The following MACF1 variants were observed in gnomAD, a reference collection of about 807,000 sequenced individuals.
MACF1 encodes the protein microtubule actin crosslinking factor 1.
In MACF1, 193 loss-of-function variants were observed where a neutral mutation model predicts 854.8. That is an observed-to-expected ratio of 0.23 (90% confidence interval 0.20 to 0.25). MACF1 has a LOEUF of 0.25. MACF1 is among the 10% of genes least tolerant of loss of function. The pLI is 1.00. For synonymous variants in MACF1, 3,185 were observed against 3,226.7 expected (o/e 0.99, Z 0.44); for missense variants, 7,722 against 8,929.1 (o/e 0.86, Z 5.45).
At chr1:39,248,710 T>C (rs1645008992) in intron 2 of MACF1, among the ~76,000 whole-genome samples, 1 of 152,206 alleles carries the variant, frequency 6.6e-6, no homozygotes, top group African/African-American at 2.4e-5. Flanking sequence ...TTCACAAGTC[T>C]TCCCATTCTG....
At chr1:39,217,736 G>A (rs926091488) in intron 1 of MACF1, among the ~76,000 whole-genome samples, 1 of 151,890 alleles carries the variant, frequency 6.6e-6, no homozygotes, top group African/African-American at 2.4e-5. Context: ...AGTTAGCAGG[G>A]TGTGGTGGCG....
At chr1:39,269,114 G>A in intron 6 of MACF1, 1 of 1,289,818 alleles carries the variant, frequency 7.8e-7, no homozygotes, top group Non-Finnish European at 1.0e-6. Flanking sequence ...CCCTGGAAGA[G>A]GGGATGACTG....
At chr1:39,405,029 C>A (rs2148599608) in intron 58 of MACF1, among the ~76,000 whole-genome samples, 1 of 152,238 alleles carries the variant, frequency 6.6e-6, no homozygotes, top group African/African-American at 2.4e-5. Flanking sequence ...AATACACTGT[C>A]TTTTGGAAAG....
chr1:39,447,380 C>T, intron 80 of MACF1, 52 bp from the exon 81 acceptor site: 1 of 1,585,694 alleles, frequency 6.3e-7, no homozygotes, highest in Non-Finnish European at 8.6e-7. Context: ...CCTATAATTC[C>T]TGAAATTGGC....
chr1:39,448,442 C>A, intron 83 of MACF1, 152 bp from the exon 84 acceptor site: 1 of 659,430 alleles, frequency 1.5e-6, no homozygotes, highest in East Asian at 2.9e-5. Context: ...TTATAAATTT[C>A]TTAAGGATAA....
intron 58 of MACF1, among the ~76,000 whole-genome samples, chr1:39,404,638 C>A (rs1241154387): frequency 6.6e-6 from 1 of 152,156 alleles, no homozygotes; most frequent in East Asian, 1.9e-4. Flanking sequence ...TACAGATGCA[C>A]ATGCCTGGCC....
chr1:39,178,858 T>A (rs1467614850), intron 2 of MACF1, among the ~76,000 whole-genome samples: 1 of 152,128 alleles, frequency 6.6e-6, no homozygotes, highest in Non-Finnish European at 1.5e-5. Flanking sequence ...GGTAAAATGG[T>A]TTTGGAGACT....
chr1:39,290,843 A>AT (rs111684577), intron 15 of MACF1, among the ~76,000 whole-genome samples: 97 of 140,864 alleles, frequency 6.9e-4, no homozygotes, highest in African/African-American at 1.3e-3. Flanking sequence ...AATTTTTTGT[A>AT]TTTTTTTTTT....
Position 39,292,767 on chromosome 1 carries a change from G to T in MACF1, c.1916G>T (p.Gly639Val), listed in dbSNP as rs139995582. The T allele has an allele frequency of 4.1e-3, 6,564 of 1,606,648 alleles. 68 individuals are homozygous for T. The Middle Eastern group carries it at 0.066, about 16-fold the overall frequency. The change falls in exon 17 of 101, where the codon GGA (glycine) becomes GTA (valine). Residue 639 changes from glycine (G) to valine (V), a missense_variant and splice_region_variant. Transcript: ENST00000564288. ...TTTATTTCATTCTTTTTTAATCAGG[G>T]AAAGATGTCCCAGAATTTCCATACC... ...SSVKEARLYE[G>V]KMSQNFHTSY... is the part of the protein sequence containing the mutation.
chr1:39,333,837 G>A lies in MACF1; in HGVS notation c.7249G>A (p.Gly2417Ser), dbSNP rs1437211909. 1 of 1,614,048 alleles carries A rather than the reference G, an allele frequency of 6.2e-7. No individual in the cohort carries two copies. The highest frequency in any genetic ancestry group is 1.3e-5 in the African/African-American group (1 of 74,912). The change falls in exon 37 of 101, where the codon GGC becomes AGC. Residue 2417 changes from glycine (G) to serine (S), a missense_variant. Physicochemically the swap from Gly to Ser is moderately conservative, Grantham distance 56. This residue lies in a region of MACF1 where 1,531 missense variants were observed against 1,601.6 expected (regional missense o/e 0.96). Transcript: ENST00000564288. ...TGGTGGAATTATTGATCTGAAACGAGGCAAAAAAGTTTCAGTAACTTTGGC... is the reference window on the plus strand; with the variant it reads ...TGGTGGAATTATTGATCTGAAACGAAGCAAAAAAGTTTCAGTAACTTTGGC... The part of the protein sequence containing the change: ...VTGGIIDLKR[G>S]KKVSVTLAST...
At chr1:39,169,774 T>TTTCTTTC (rs1491529200) in intron 2 of MACF1, among the ~76,000 whole-genome samples, 1 of 10,644 alleles carries the variant, frequency 9.4e-5, no homozygotes, top group Admixed American at 9.9e-4. Context: ...TCTTTCTTTC[T>TTTCTTTC]TTTTTTTTTT....
intron 2 of MACF1, among the ~76,000 whole-genome samples, chr1:39,089,120 T>G (rs1313878637): frequency 1.3e-5 from 2 of 152,154 alleles, no homozygotes; most frequent in Non-Finnish European, 2.9e-5. Flanking sequence ...ACACCTGTAA[T>G]CTCAGCATTT....
At chr1:39,319,793 A>C (rs764714360) in intron 31 of MACF1, 46 bp downstream of exon 31, 56 of 1,358,470 alleles carry the variant, frequency 4.1e-5, no homozygotes, top group Non-Finnish European at 5.3e-5. Flanking sequence ...TCACCAGCTC[A>C]GGAAAACCTA....
At chr1:39,163,411 A>C (rs572374365) in intron 2 of MACF1, among the ~76,000 whole-genome samples, 27 of 152,096 alleles carry the variant, frequency 1.8e-4, no homozygotes, top group Admixed American at 1.6e-3. Flanking sequence ...GTCATACCTA[A>C]TTTTTGGTCA....
chr1:39,221,035 G>C (rs940560428), intron 1 of MACF1, among the ~76,000 whole-genome samples: 2 of 152,216 alleles, frequency 1.3e-5, no homozygotes, highest in African/African-American at 4.8e-5. Context: ...GAAGAGGGTA[G>C]ATATTCCAGT....
chr1:39,473,016 C>T (rs761807412), intron 97 of MACF1, among the ~76,000 whole-genome samples: 1 of 152,212 alleles, frequency 6.6e-6, no homozygotes, highest in East Asian at 1.9e-4. Context: ...ATTGTTCACA[C>T]GTCTTTGCAT....
chr1:39,167,626 A>C (rs1643895208), intron 2 of MACF1, among the ~76,000 whole-genome samples: 1 of 151,976 alleles, frequency 6.6e-6, no homozygotes, highest in Non-Finnish European at 1.5e-5. Flanking sequence ...GAATCGCTTG[A>C]ACCTGGGAGG....
chr1:39,359,330 T>C (rs1327121336), intron 47 of MACF1, 66 bp downstream of exon 47: 1 of 1,546,848 alleles, frequency 6.5e-7, no homozygotes, highest in Non-Finnish European at 8.9e-7. Context: ...TTCTGCAATA[T>C]GTCACATTGT....
intron 58 of MACF1, among the ~76,000 whole-genome samples, chr1:39,419,045 T>C (rs1449684407): frequency 6.6e-6 from 1 of 152,214 alleles, no homozygotes; most frequent in East Asian, 1.9e-4. Context: ...TCACTAACAG[T>C]GTGTGAAATA....
Sources: gnomAD v4.1 joint callset for allele counts (sites outside exome capture counted in the v4.1 genomes callset) on GRCh38, gnomAD v4.1.1 for gene constraint, gnomAD v4.1.1 regional missense constraint, MANE v1.5 for transcripts, NCBI Gene and HGNC (gene_info 2026-07-23, HGNC 2026-07-21) for gene names.